FCHO2: variants seen among roughly 807,000 people sequenced by gnomAD.
The protein encoded by FCHO2 is FCH and mu domain containing endocytic adaptor 2, also known as F-BAR domain only protein 2.
In FCHO2, 43 loss-of-function variants were observed where a neutral mutation model predicts 114.1. The observed-to-expected ratio is 0.38, with a 90% CI of 0.30 to 0.49. The LOEUF is 0.49. Among genes scored for constraint, FCHO2 ranks in the 20% least tolerant of loss-of-function variants. FCHO2 has a pLI of 0.97. For missense variants in FCHO2, 807 were observed against 950.4 expected (o/e 0.85, Z 1.98); for synonymous variants, 293 against 315.2 (o/e 0.93, Z 0.75).
At chr5:73,076,281 C>T (rs1311770548) in intron 20 of FCHO2, among the ~76,000 whole-genome samples, 4 of 151,964 alleles carry the variant, frequency 2.6e-5, no homozygotes, top group African/African-American at 4.8e-5. Flanking sequence ...TGAGAGTGTT[C>T]AGGAGCCGAA....
At position 73,067,290 on chromosome 5, in the gene FCHO2, A is replaced by G. The variant is rs375915251; in HGVS notation, c.1450-1360A>G. On this transcript the variant is annotated intron_variant, in intron 18 of 25. Coordinates refer to ENST00000430046, the MANE Select transcript of FCHO2 (RefSeq NM_138782.3). The stretch of plus-strand genomic sequence containing the variant: ...TGTTGCCATAGGAGAAATGTCCCAC[A>G]GTAGTTGATCTCAAGACTTTTTCCA... Among the ~76,000 whole-genome samples the G allele has an allele frequency of 3.3e-5, 5 of 152,054 alleles. No individual in the cohort carries two copies. In the East Asian group the frequency reaches 7.7e-4, roughly 24 times the overall value.
At chr5:73,013,313 G>A (rs1236185360) in intron 6 of FCHO2, among the ~76,000 whole-genome samples, 1 of 151,678 alleles carries the variant, frequency 6.6e-6, no homozygotes, top group African/African-American at 2.4e-5. Context: ...ATCATTTGGT[G>A]ATTTCTGGTC....
At chr5:72,997,607 G>T in intron 5 of FCHO2, 4 of 1,397,600 alleles carry the variant, frequency 2.9e-6, no homozygotes, top group Admixed American at 1.7e-5. Context: ...TGTTCGTTCC[G>T]TGCTGAGCCG....
chr5:73,059,309 G>A (rs1757743280), intron 17 of FCHO2, among the ~76,000 whole-genome samples: 1 of 152,124 alleles, frequency 6.6e-6, no homozygotes, highest in Admixed American at 6.5e-5. Context: ...TTTGTTAGGA[G>A]TGCCACACAT....
At chr5:72,971,750 G>T (rs1752569316) in intron 2 of FCHO2, among the ~76,000 whole-genome samples, 1 of 152,120 alleles carries the variant, frequency 6.6e-6, no homozygotes, top group African/African-American at 2.4e-5. Context: ...ATTGCTTTTG[G>T]TGTTTTAGAC....
intron 18 of FCHO2, 30 bp downstream of exon 18, chr5:73,063,974 T>G (rs1020729130): frequency 6.5e-7 from 1 of 1,538,968 alleles, no homozygotes; most frequent in South Asian, 1.2e-5. Context: ...AAAAATTATT[T>G]AACTGTTTTG....
intron 5 of FCHO2, among the ~76,000 whole-genome samples, chr5:73,001,932 A>G (rs1297734789): frequency 1.3e-5 from 2 of 152,058 alleles, no homozygotes; most frequent in Admixed American, 1.3e-4. Context: ...AGCTGATTGA[A>G]AAAATATAAG....
intron 8 of FCHO2, among the ~76,000 whole-genome samples, chr5:73,025,163 T>A (rs1318587919): frequency 6.6e-6 from 1 of 152,050 alleles, no homozygotes; most frequent in African/African-American, 2.4e-5. Context: ...CCTGGTTGAG[T>A]TGCTATGGGT....
At chr5:73,013,022 A>C (rs1319666824) in intron 6 of FCHO2, among the ~76,000 whole-genome samples, 1 of 152,204 alleles carries the variant, frequency 6.6e-6, no homozygotes, top group East Asian at 1.9e-4. Flanking sequence ...CTGTCTGAGA[A>C]AATATCTTGT....
intron 1 of FCHO2, 132 bp downstream of exon 1, chr5:72,956,261 C>T: frequency 8.0e-7 from 1 of 1,252,972 alleles, no homozygotes. Flanking sequence ...CGCGTCCCGC[C>T]TGGGTGAGGT....
intron 8 of FCHO2, among the ~76,000 whole-genome samples, chr5:73,030,515 A>T (rs144281361): frequency 1.3e-5 from 2 of 152,362 alleles, no homozygotes; most frequent in Non-Finnish European, 2.9e-5. Flanking sequence ...TCCGTATTTT[A>T]ATAAGATCCC....
Position 73,051,400 on chromosome 5 carries a change from C to A in FCHO2, c.991C>A (p.Gln331Lys), listed in dbSNP as rs1401476601. 1 of 1,523,170 alleles carries A rather than the reference C, an allele frequency of 6.6e-7. No homozygotes were observed. The highest frequency in any genetic ancestry group is 8.9e-7 in the Non-Finnish European group (1 of 1,124,494). The allele number at this position is 1,523,170 out of a possible 1,614,324, so 94.4% of individuals were successfully genotyped here. ...EGYSIKPETN[Q>K]NDTKENHFYS... ...CTACAGTATTAAACCAGAAACAAATCAGAATGATATCCTTTCATCATCTAG... is the reference window on the plus strand; with the variant it reads ...CTACAGTATTAAACCAGAAACAAATAAGAATGATATCCTTTCATCATCTAG... The change falls in exon 12 of 26, where the codon CAG (glutamine) becomes AAG (lysine). Residue 331 changes from glutamine (Q) to lysine (K), a missense_variant. By Grantham distance (53) the Gln-to-Lys change is moderately conservative. Transcript: ENST00000430046.
At chr5:73,058,194 T>C (rs1412482624) in intron 16 of FCHO2, among the ~76,000 whole-genome samples, 2 of 151,822 alleles carry the variant, frequency 1.3e-5, no homozygotes, top group Admixed American at 6.6e-5. Flanking sequence ...TTTTTTTGTG[T>C]ATATTGGGTC....
intron 2 of FCHO2, among the ~76,000 whole-genome samples, chr5:72,988,238 G>C (rs1753640231): frequency 6.6e-6 from 1 of 152,162 alleles, no homozygotes; most frequent in Non-Finnish European, 1.5e-5. Flanking sequence ...AGGAGTTTGA[G>C]ACCAGCCTGA....
At chr5:73,076,022 T>G (rs1315982904) in intron 20 of FCHO2, among the ~76,000 whole-genome samples, 1 of 152,108 alleles carries the variant, frequency 6.6e-6, no homozygotes, top group African/African-American at 2.4e-5. Context: ...CTTGATTCCC[T>G]CCAGTGTTTA....
intron 2 of FCHO2, among the ~76,000 whole-genome samples, chr5:72,975,409 T>G (rs1231048490): frequency 6.6e-6 from 1 of 152,020 alleles, no homozygotes; most frequent in African/African-American, 2.4e-5. Context: ...TCACTGTAAC[T>G]TCTGCCCCCT....
chr5:72,977,759 G>A (rs1291294997), intron 2 of FCHO2, among the ~76,000 whole-genome samples: 5 of 152,092 alleles, frequency 3.3e-5, no homozygotes, highest in East Asian at 1.9e-4. Context: ...TAGGTCTTAC[G>A]TTGAAGTGTT....
intron 8 of FCHO2, among the ~76,000 whole-genome samples, chr5:73,030,611 A>C (rs1017218038): frequency 3.9e-5 from 6 of 152,232 alleles, no homozygotes; most frequent in African/African-American, 1.4e-4. Flanking sequence ...CACAGAGTCT[A>C]CTAGGGCTGT....
At chr5:72,995,636 G>A (rs1286365716) in intron 5 of FCHO2, among the ~76,000 whole-genome samples, 1 of 152,150 alleles carries the variant, frequency 6.6e-6, no homozygotes, top group East Asian at 1.9e-4. Flanking sequence ...GCCACATCTA[G>A]TGAGAGCCTT....
Sources: gnomAD v4.1 joint callset for allele counts (sites outside exome capture counted in the v4.1 genomes callset) on GRCh38, gnomAD v4.1.1 for gene constraint, MANE v1.5 for transcripts, NCBI Gene and HGNC (gene_info 2026-07-23, HGNC 2026-07-21) for gene names.